MTDH: variants seen among roughly 807,000 people sequenced by gnomAD.
MTDH encodes metadherin.
A neutral mutation model predicts 72.7 loss-of-function variants in MTDH; 34 were observed. That is an observed-to-expected ratio of 0.47 (90% CI 0.36 to 0.62). MTDH has a LOEUF of 0.62. Among genes scored for constraint, MTDH ranks in the 20% least tolerant of loss-of-function variants. The pLI, the probability that MTDH is intolerant of heterozygous loss-of-function variation, is 0.00. For missense variants in MTDH, 677 were observed against 699.4 expected (o/e 0.97, Z 0.36); for synonymous variants, 266 against 268.9 (o/e 0.99, Z 0.10).
At chr8:97,717,031 G>A (rs1050884650) in intron 9 of MTDH, among the ~76,000 whole-genome samples, 3 of 152,100 alleles carry the variant, frequency 2.0e-5, no homozygotes, top group African/African-American at 4.8e-5. Context: ...TCACTGTTGA[G>A]TTCAACTTGG....
chr8:97,667,071 G>A (rs1301060200), intron 2 of MTDH, among the ~76,000 whole-genome samples: 1 of 152,138 alleles, frequency 6.6e-6, no homozygotes, highest in African/African-American at 2.4e-5. Flanking sequence ...GCTCACTGCA[G>A]CCTCGACCTC....
chr8:97,723,856 C>G (rs551117088), intron 11 of MTDH, among the ~76,000 whole-genome samples: 10 of 152,208 alleles, frequency 6.6e-5, no homozygotes, highest in Non-Finnish European at 1.2e-4. Flanking sequence ...ACCTGTAATC[C>G]GAGCACTTTG....
At chr8:97,679,728 TC>T (rs1812994164) in intron 2 of MTDH, among the ~76,000 whole-genome samples, 1 of 152,224 alleles carries the variant, frequency 6.6e-6, no homozygotes, top group Non-Finnish European at 1.5e-5. Flanking sequence ...TAAACAAATA[TC>T]TTGGGGTATA....
intron 7 of MTDH, among the ~76,000 whole-genome samples, chr8:97,703,748 A>C (rs1158686640): frequency 2.0e-5 from 3 of 152,238 alleles, no homozygotes; most frequent in Non-Finnish European, 4.4e-5. Flanking sequence ...ATTTTTAACT[A>C]TACATGCCTT....
chr8:97,657,859 T>C (rs1055973557), intron 1 of MTDH, among the ~76,000 whole-genome samples: 2 of 152,094 alleles, frequency 1.3e-5, no homozygotes, highest in African/African-American at 2.4e-5. Flanking sequence ...GGTAGACACA[T>C]TGGATTTGAA....
intron 2 of MTDH, among the ~76,000 whole-genome samples, chr8:97,664,911 C>T (rs1812319011): frequency 6.6e-6 from 1 of 152,124 alleles, no homozygotes; most frequent in African/African-American, 2.4e-5. Flanking sequence ...TAGGCACGCA[C>T]CACCACGCCC....
chr8:97,709,388 G>A (rs1814527331), intron 8 of MTDH, among the ~76,000 whole-genome samples: 1 of 152,134 alleles, frequency 6.6e-6, no homozygotes, highest in Admixed American at 6.6e-5. Flanking sequence ...TCATTCACAT[G>A]TTTGTTGGAC....
intron 9 of MTDH, among the ~76,000 whole-genome samples, chr8:97,716,218 C>T (rs1475894309): frequency 6.6e-6 from 1 of 151,930 alleles, no homozygotes; most frequent in African/African-American, 2.4e-5. Context: ...GAAACCCTGT[C>T]TCTACTAAAA....
At chr8:97,659,942 T>A (rs773352791) in intron 1 of MTDH, among the ~76,000 whole-genome samples, 2 of 152,170 alleles carry the variant, frequency 1.3e-5, no homozygotes, top group Non-Finnish European at 2.9e-5. Flanking sequence ...GTGGATCACC[T>A]GAGGTCAGGA....
intron 4 of MTDH, among the ~76,000 whole-genome samples, 178 bp from the exon 5 acceptor site, chr8:97,688,860 T>C (rs1445979683): frequency 6.6e-6 from 1 of 152,206 alleles, no homozygotes; most frequent in African/African-American, 2.4e-5. Context: ...AAAACTCAGT[T>C]CCTTACCAAC....
Position 97,724,600 on chromosome 8 carries a change from C to T in MTDH, c.1679C>T (p.Thr560Ile). The T allele has an allele frequency of 1.3e-6, 2 of 1,577,972 alleles. No homozygotes were observed. The highest frequency in any genetic ancestry group is 2.0e-5 in the Admixed American group (1 of 49,464). ...TKQNSVPPSQTKSETSWESPK... is the reference protein window; with the variant it reads ...TKQNSVPPSQIKSETSWESPK... ...TCGTTTTCCCCCTTTTCTTTTTTAG[C>T]CAAGTCTGAAACTAGCTGGGAATCT... The change falls in exon 12 of 12, where the codon ACC (threonine) becomes ATC (isoleucine). Residue 560 changes from threonine (T) to isoleucine (I), a missense_variant and splice_region_variant. By Grantham distance (89) the Thr-to-Ile change is moderately conservative (BLOSUM62 -1). Around this residue, in one of 3 missense-constraint regions of MTDH, gnomAD observed 201 missense variants for 204.5 expected, o/e 0.98. Coordinates refer to ENST00000336273, the MANE Select transcript of MTDH (RefSeq NM_178812.4).
At chr8:97,698,074 A>AT (rs1311027204) in intron 6 of MTDH, among the ~76,000 whole-genome samples, 1 of 152,240 alleles carries the variant, frequency 6.6e-6, no homozygotes, top group African/African-American at 2.4e-5. Flanking sequence ...AGCAGATAAT[A>AT]TATTAGTGGA....
chr8:97,647,950 G>GAA (rs59576045), intron 1 of MTDH, among the ~76,000 whole-genome samples: 1 of 115,612 alleles, frequency 8.6e-6, no homozygotes, highest in Non-Finnish European at 1.8e-5. Context: ...TCTCCTAAAA[G>GAA]AAAAAAAAAA....
chr8:97,659,704 A>T (rs1480163541), intron 1 of MTDH, among the ~76,000 whole-genome samples: 1 of 152,222 alleles, frequency 6.6e-6, no homozygotes, highest in Non-Finnish European at 1.5e-5. Context: ...AAATAAAGCC[A>T]TTGAAACTAG....
intron 2 of MTDH, among the ~76,000 whole-genome samples, chr8:97,674,053 G>A (rs1305730701): frequency 2.0e-5 from 3 of 152,124 alleles, no homozygotes; most frequent in Admixed American, 2.0e-4. Flanking sequence ...CTACTCAGGA[G>A]GCTGAGGTGG....
intron 8 of MTDH, among the ~76,000 whole-genome samples, chr8:97,711,337 TAAA>T (rs540690196): frequency 7.7e-6 from 1 of 130,034 alleles, no homozygotes; most frequent in African/African-American, 2.9e-5. Context: ...TATCTCTAAT[TAAA>T]AAAAAAAAAA....
chr8:97,672,077 C>T (rs1416987141), intron 2 of MTDH, among the ~76,000 whole-genome samples: 1 of 152,164 alleles, frequency 6.6e-6, no homozygotes, highest in Non-Finnish European at 1.5e-5. Flanking sequence ...TATTTTCCCT[C>T]CATAATGCAT....
chr8:97,700,994 G>A (rs776369940), intron 7 of MTDH, among the ~76,000 whole-genome samples: 1 of 152,140 alleles, frequency 6.6e-6, no homozygotes, highest in African/African-American at 2.4e-5. Flanking sequence ...CTGGCTAAAG[G>A]TTAGGGGGCT....
rs372979208 is a variant in MTDH, at chr8:97,698,029, T to C, written c.1049-1725T>C. Among the ~76,000 whole-genome samples the C allele has an allele frequency of 2.4e-3, 364 of 152,310 alleles. 17 individuals carry two copies. The South Asian group carries it at 0.073, about 31-fold the overall frequency. On this transcript the variant is annotated intron_variant, in intron 6 of 11. Transcript: ENST00000336273. ...CTCTGTTAAAGTTTACATTAAAATA[T>C]ACATATTAAACATACATATAGAGAG...
Sources: allele counts gnomAD v4.1 joint callset (sites outside exome capture counted in the v4.1 genomes callset), GRCh38; gene constraint gnomAD v4.1.1; regional missense constraint gnomAD v4.1.1; transcripts MANE v1.5; gene names NCBI Gene and HGNC (gene_info 2026-07-23, HGNC 2026-07-21).